Variants in PPP1R9A observed in about 807,000 individuals in gnomAD.
PPP1R9A encodes protein phosphatase 1 regulatory subunit 9A.
A neutral mutation model predicts 141.9 loss-of-function variants in PPP1R9A; 59 were observed. The observed-to-expected ratio is 0.42, with a 90% CI of 0.34 to 0.52. The LOEUF (loss-of-function observed/expected upper bound fraction) is 0.52, where lower values mean the gene tolerates loss of function less well. Ranked by LOEUF, PPP1R9A falls within the 20% of genes least tolerant of loss-of-function variation. PPP1R9A has a pLI of 0.10. For missense variants in PPP1R9A, 1,444 were observed against 1,611.9 expected (o/e 0.90, Z 1.78); for synonymous variants, 500 against 569.7 (o/e 0.88, Z 1.74).
At chr7:94,949,904 GTTC>G (rs1796279044) in intron 2 of PPP1R9A, among the ~76,000 whole-genome samples, 1 of 145,478 alleles carries the variant, frequency 6.9e-6, no homozygotes, top group African/African-American at 2.5e-5. Flanking sequence ...CAGTAAAACA[GTTC>G]TTTTTTTTTT....
intron 4 of PPP1R9A, among the ~76,000 whole-genome samples, chr7:95,139,473 A>G (rs978984668): frequency 6.6e-6 from 1 of 152,106 alleles, no homozygotes; most frequent in Non-Finnish European, 1.5e-5. Flanking sequence ...TCAAATTTCT[A>G]TTTTGTGCTT....
chr7:95,078,409 T>C (rs2152261084), intron 2 of PPP1R9A, among the ~76,000 whole-genome samples: 1 of 151,868 alleles, frequency 6.6e-6, no homozygotes, highest in African/African-American at 2.4e-5. Flanking sequence ...GTTCCAAGTC[T>C]TTGCTATTGT....
intron 5 of PPP1R9A, among the ~76,000 whole-genome samples, chr7:95,175,386 A>T (rs1244408131): frequency 6.6e-6 from 1 of 152,050 alleles, no homozygotes; most frequent in Non-Finnish European, 1.5e-5. Flanking sequence ...TGCATACCCA[A>T]CTTAATCCTG....
At chr7:94,933,661 C>T (rs750763101) in intron 2 of PPP1R9A, among the ~76,000 whole-genome samples, 24 of 152,200 alleles carry the variant, frequency 1.6e-4, no homozygotes, top group Middle Eastern at 3.4e-3. Context: ...TAACATTCAC[C>T]ATACCAGGCA....
intron 2 of PPP1R9A, among the ~76,000 whole-genome samples, chr7:94,973,881 C>T (rs913628363): frequency 6.6e-6 from 1 of 151,968 alleles, no homozygotes; most frequent in African/African-American, 2.4e-5. Context: ...TCACATCCAG[C>T]TAATTTTTTA....
At chr7:95,189,498 G>A (rs1446973763) in intron 5 of PPP1R9A, among the ~76,000 whole-genome samples, 18 of 144,412 alleles carry the variant, frequency 1.2e-4, no homozygotes, top group African/African-American at 4.4e-4. Flanking sequence ...GTGCAGTGGC[G>A]GGATCTCGGC....
Position 95,268,587 on chromosome 7 carries a change from T to A in PPP1R9A, c.2703T>A (p.Asp901Glu). Residue 901 changes from aspartate to glutamate, a missense_variant, in exon 13 of 20, where the codon GAT becomes GAA. Coordinates refer to ENST00000433360, the MANE Select transcript of PPP1R9A (RefSeq NM_001166160.2). ...CAGTCCCAGAGACAGAGCGCCTGGATTCAAAAGCACTGAAAACTCGAGCCC... is the reference window on the plus strand; with the variant it reads ...CAGTCCCAGAGACAGAGCGCCTGGAATCAAAAGCACTGAAAACTCGAGCCC... ...NEAVPETERLDSKALKTRAQL... is the reference protein window; with the variant it reads ...NEAVPETERLESKALKTRAQL... 2 of 1,613,410 alleles carry A rather than the reference T, an allele frequency of 1.2e-6. No individual in the cohort carries two copies. Among genetic ancestry groups the A allele is most frequent in the Non-Finnish European group, 1.7e-6 (2 of 1,179,528 alleles).
intron 4 of PPP1R9A, among the ~76,000 whole-genome samples, chr7:95,139,924 G>T (rs1826341964): frequency 6.6e-6 from 1 of 151,540 alleles, no homozygotes; most frequent in Non-Finnish European, 1.5e-5. Context: ...TTAGCTAGAA[G>T]ACTTTTTGTT....
At chr7:94,988,023 A>T (rs1801056698) in intron 2 of PPP1R9A, among the ~76,000 whole-genome samples, 1 of 152,154 alleles carries the variant, frequency 6.6e-6, no homozygotes, top group African/African-American at 2.4e-5. Context: ...AAAATAGTTA[A>T]CACAGTAAAT....
At chr7:95,108,377 G>A (rs1004433164) in intron 2 of PPP1R9A, among the ~76,000 whole-genome samples, 6 of 140,040 alleles carry the variant, frequency 4.3e-5, no homozygotes, top group African/African-American at 8.1e-5. Flanking sequence ...GCAGTGGCGC[G>A]GGAGCTCACT....
At chr7:94,914,194 C>A (rs907876341) in intron 2 of PPP1R9A, among the ~76,000 whole-genome samples, 4 of 152,132 alleles carry the variant, frequency 2.6e-5, no homozygotes, top group African/African-American at 9.7e-5. Context: ...CTTTTACATT[C>A]TTTTCCTGGC....
intron 2 of PPP1R9A, among the ~76,000 whole-genome samples, chr7:94,966,295 C>T (rs1024996847): frequency 2.0e-5 from 3 of 152,302 alleles, no homozygotes; most frequent in East Asian, 1.9e-4. Context: ...TTGACTTCCT[C>T]TCTTCCTGTG....
chr7:95,056,832 TAAA>T (rs1451782185), intron 2 of PPP1R9A, among the ~76,000 whole-genome samples: 2 of 152,130 alleles, frequency 1.3e-5, no homozygotes, highest in Admixed American at 6.5e-5. Context: ...GATTCAATCT[TAAA>T]AAGGCCAAAA....
intron 2 of PPP1R9A, among the ~76,000 whole-genome samples, chr7:95,031,057 A>G (rs1244436928): frequency 6.6e-6 from 1 of 152,170 alleles, no homozygotes; most frequent in Non-Finnish European, 1.5e-5. Context: ...CTGATGGCCA[A>G]GTAGGGCAGA....
chr7:95,252,911 T>G (rs1406026804), intron 12 of PPP1R9A, among the ~76,000 whole-genome samples: 1 of 152,232 alleles, frequency 6.6e-6, no homozygotes. Context: ...TGTGTATACT[T>G]CTTAGGTCTT....
chr7:94,956,294 A>G (rs889466603), intron 2 of PPP1R9A, among the ~76,000 whole-genome samples: 7 of 152,118 alleles, frequency 4.6e-5, no homozygotes, highest in Non-Finnish European at 7.4e-5. Context: ...GAGTGTTAAT[A>G]TTCTTTGGTT....
rs1383138571 is a variant in PPP1R9A, at chr7:95,292,011, A to T, written c.*1708A>T. 6.6e-6 allele frequency: 1 copy of T among 152,068 alleles called. No individual in the cohort carries two copies. Among genetic ancestry groups the T allele is most frequent in the Non-Finnish European group, 1.5e-5 (1 of 68,014 alleles). 9.4% of individuals were successfully genotyped at this position (152,068 alleles called of 1,614,324 possible). A position where few individuals can be genotyped will look rare whatever the true frequency, so the allele number is the denominator to read the frequency against. On this transcript the variant is annotated 3_prime_UTR_variant, in exon 20 of 20. Coordinates refer to ENST00000433360, the MANE Select transcript of PPP1R9A (RefSeq NM_001166160.2). The stretch of plus-strand genomic sequence containing the variant: ...TACCCCCAAGGCCTGTTTTCTTTTC[A>T]TTGCCAGAGTATTGTCGGTTATGCG...
intron 2 of PPP1R9A, among the ~76,000 whole-genome samples, chr7:94,965,960 T>C (rs1424208633): frequency 6.6e-6 from 1 of 152,232 alleles, no homozygotes; most frequent in Non-Finnish European, 1.5e-5. Context: ...GAGTATGGAA[T>C]GTTTTTCCAT....
At chr7:95,191,827 A>G (rs1835547851) in intron 5 of PPP1R9A, among the ~76,000 whole-genome samples, 1 of 152,112 alleles carries the variant, frequency 6.6e-6, no homozygotes, top group South Asian at 2.1e-4. Flanking sequence ...AAAAAAATTT[A>G]GAATGTGACA....
Sources: gnomAD v4.1 joint callset for allele counts (sites outside exome capture counted in the v4.1 genomes callset) on GRCh38, gnomAD v4.1.1 for gene constraint, MANE v1.5 for transcripts, NCBI Gene and HGNC (gene_info 2026-07-23, HGNC 2026-07-21) for gene names.